The following GP6 variants were observed in gnomAD, a reference collection of about 807,000 sequenced individuals.
GP6 encodes the protein glycoprotein VI platelet.
A neutral mutation model predicts 37.3 loss-of-function variants in GP6; 45 were observed. The observed-to-expected ratio is 1.21, with a 90% CI of 0.95 to 1.55. The LOEUF (loss-of-function observed/expected upper bound fraction) is 1.55. Among genes scored for constraint, GP6 ranks in the 40% most tolerant of loss-of-function variants. The pLI is 0.00. For synonymous variants in GP6, 340 were observed against 316.4 expected, an observed-to-expected ratio of 1.07 and a Z score of -0.79; for missense variants, 813 against 760.2, an observed-to-expected ratio of 1.07 and a Z score of -0.82.
In GP6 at chr19:55,015,575, A is replaced by C. The variant is rs543693609; in HGVS notation, c.779+104T>G. The C allele has an allele frequency of 5.5e-4, 423 of 770,178 alleles. 4 individuals carry two copies. In the African/African-American group the frequency reaches 5.7e-3, roughly 10 times the overall value. 47.7% of individuals were successfully genotyped at this position (770,178 alleles called of 1,614,324 possible). On this transcript the variant is annotated intron_variant, in intron 7 of 7. Coordinates refer to ENST00000310373, the MANE Select transcript of GP6 (RefSeq NM_001083899.2). ...CTGATATTCTGCCTTTACTCTACAC[A>C]CTGGAACCCAAGATCTGAGAGCTGC...
chr19:55,035,667 A>G (rs965747496), intron 1 of GP6, among the ~76,000 whole-genome samples: 2 of 151,800 alleles, frequency 1.3e-5, no homozygotes, highest in African/African-American at 4.8e-5. Context: ...CAGTGAGCCA[A>G]CGTCATGCCA....
chr19:55,026,195 G>A (rs1490885248), intron 4 of GP6, among the ~76,000 whole-genome samples: 1 of 152,142 alleles, frequency 6.6e-6, no homozygotes, highest in Non-Finnish European at 1.5e-5. Flanking sequence ...ACTAAATGAT[G>A]TATTTTGTTT....
At chr19:55,030,533 G>A (rs1051610767) in intron 3 of GP6, among the ~76,000 whole-genome samples, 1 of 151,850 alleles carries the variant, frequency 6.6e-6, no homozygotes, top group African/African-American at 2.4e-5. Flanking sequence ...AGTAGAGACG[G>A]GGTTTCACCA....
chr19:55,029,358 ATATATATATATATATATTTTTTTTTTTTT>A (rs1568629057), intron 3 of GP6, among the ~76,000 whole-genome samples: 31 of 2,632 alleles, frequency 0.012, no homozygotes, highest in Admixed American at 0.022. Flanking sequence ...ATATATATAT[ATATATATATATATATATTTTTTTTTTTTT>A]TTTTTTTTTT....
chr19:55,037,688 A>G (rs2074888079), intron 1 of GP6, among the ~76,000 whole-genome samples: 1 of 101,390 alleles, frequency 9.9e-6, no homozygotes, highest in Non-Finnish European at 2.0e-5. Context: ...GCTGGAGTGC[A>G]ATGCCTGACC....
Position 55,013,939 on chromosome 19 carries a change from T to C in GP6, c.*143A>G. On this transcript the variant is annotated 3_prime_UTR_variant, in exon 8 of 8. Transcript: ENST00000310373. The stretch of plus-strand genomic sequence containing the variant: ...TATAGAACTTTACCTTGAGAAGACC[T>C]AACATTTCCTTCAGAAAGTAAATAT... The C allele has an allele frequency of 2.5e-6, 1 of 400,742 alleles. No homozygotes were observed. The highest frequency in any genetic ancestry group is 5.0e-6 in the Non-Finnish European group (1 of 201,458). The allele number at this position is 400,742 out of a possible 1,614,324, so 24.8% of individuals were successfully genotyped here.
At chr19:55,016,124 A>T (rs557017925) in intron 6 of GP6, among the ~76,000 whole-genome samples, 1 of 151,710 alleles carries the variant, frequency 6.6e-6, no homozygotes, top group Non-Finnish European at 1.5e-5. Flanking sequence ...CCTGGGAAAC[A>T]GAGCGAGACC....
At chr19:55,024,691 C>CA (rs2074238452) in intron 5 of GP6, among the ~76,000 whole-genome samples, 1 of 152,186 alleles carries the variant, frequency 6.6e-6, no homozygotes. Flanking sequence ...ATAGCATCAG[C>CA]ATCACCTGGG....
Position 55,014,090 on chromosome 19 carries a change from G to T in GP6, c.1855C>A (p.Leu619Met). The stretch of plus-strand genomic sequence containing the variant: ...TATACAACGTGCTATGATCAAATCA[G>T]GGTAATTGACATATTCATCCCTGTA... The change falls in exon 8 of 8, where the codon CTG (leucine) becomes ATG (methionine). Residue 619 changes from leucine (L) to methionine (M), a missense_variant. By Grantham distance (15) the Leu-to-Met change is conservative (BLOSUM62 2). Coordinates refer to ENST00000310373, the MANE Select transcript of GP6 (RefSeq NM_001083899.2). 1.5e-6 allele frequency: 1 copy of T among 657,988 alleles called. No homozygotes were observed. Among genetic ancestry groups the T allele is most frequent in the Non-Finnish European group, 2.8e-6 (1 of 356,872 alleles). The allele number at this position is 657,988 out of a possible 1,614,324, so 40.8% of individuals were successfully genotyped here.
chr19:55,030,362 T>TTTC (rs1555802819), intron 3 of GP6, among the ~76,000 whole-genome samples: 19 of 150,360 alleles, frequency 1.3e-4, no homozygotes, highest in African/African-American at 2.4e-4. Context: ...TTTTTTTTTT[T>TTTC]CCCAAGACGG....
chr19:55,019,924 C>T (rs532946754), intron 5 of GP6, among the ~76,000 whole-genome samples: 8 of 152,134 alleles, frequency 5.3e-5, no homozygotes, highest in African/African-American at 9.6e-5. Flanking sequence ...GTGATCCACC[C>T]GCCTCAGCCT....
Position 55,014,716 on chromosome 19 carries a change from G to A in GP6, c.1229C>T (p.Pro410Leu). ...CAGATTCCTTCCATCCCAAATGGAG[G>A]GTGCCCTCAGACAGAGAGGCAGACA... The change falls in exon 8 of 8, where the codon CCC becomes CTC. Residue 410 changes from proline (P) to leucine (L), a missense_variant. By Grantham distance (98) the Pro-to-Leu change is moderately conservative. Transcript: ENST00000310373. 6.2e-7 allele frequency: 1 copy of A among 1,613,848 alleles called. No homozygotes were observed. Among genetic ancestry groups the A allele is most frequent in the Non-Finnish European group, 8.5e-7 (1 of 1,179,950 alleles).
In GP6 at chr19:55,032,278, C is replaced by G; in HGVS notation, c.186G>C (p.Leu62=). 5.6e-6 allele frequency: 9 copies of G among 1,614,206 alleles called. No individual in the cohort carries two copies. The highest frequency in any genetic ancestry group is 7.6e-6 in the Non-Finnish European group (9 of 1,180,046). ...CCTGATCCTGGTACCTGCTGGAACT[C>G]AGCTTCTCCAGGCGGTACAGGTCCA... Residue 62 remains leucine (L), a synonymous_variant, in exon 3 of 8, where the codon CTG becomes CTC. Transcript: ENST00000310373.
chr19:55,019,513 T>C (rs2073999218), intron 5 of GP6, among the ~76,000 whole-genome samples: 1 of 152,184 alleles, frequency 6.6e-6, no homozygotes, highest in African/African-American at 2.4e-5. Flanking sequence ...TTAAAAATCA[T>C]AGTCATCCTA....
intron 6 of GP6, among the ~76,000 whole-genome samples, chr19:55,016,134 C>A (rs1654485): frequency 0.31 from 46,583 of 150,130 alleles, 7,506 homozygotes; most frequent in East Asian, 0.59. Context: ...AGAGCGAGAC[C>A]CTGTCCAAAA....
chr19:55,030,643 C>T (rs2074525831), intron 3 of GP6, among the ~76,000 whole-genome samples: 1 of 151,154 alleles, frequency 6.6e-6, no homozygotes, highest in African/African-American at 2.4e-5. Context: ...GCGCCCGGCC[C>T]AACCTCTTCT....
At chr19:55,022,941 A>T (rs2074135268) in intron 5 of GP6, among the ~76,000 whole-genome samples, 1 of 152,226 alleles carries the variant, frequency 6.6e-6, no homozygotes, top group Admixed American at 6.6e-5. Flanking sequence ...TGCCCAAAGT[A>T]ATTTATAGAT....
intron 5 of GP6, among the ~76,000 whole-genome samples, chr19:55,024,650 G>A (rs1277029022): frequency 6.6e-6 from 1 of 152,158 alleles, no homozygotes; most frequent in Admixed American, 6.5e-5. Flanking sequence ...AAAACTTACC[G>A]CAGTGGTTCT....
At chr19:55,038,114 C>T in intron 1 of GP6, 89 bp downstream of exon 1, 1 of 1,085,626 alleles carries the variant, frequency 9.2e-7, no homozygotes, top group Non-Finnish European at 1.4e-6. Context: ...TCCTGAAATT[C>T]ATCACCAATG....
Sources: gnomAD v4.1 joint callset for allele counts (sites outside exome capture counted in the v4.1 genomes callset) on GRCh38, gnomAD v4.1.1 for gene constraint, MANE v1.5 for transcripts, NCBI Gene and HGNC (gene_info 2026-07-23, HGNC 2026-07-21) for gene names.